Variants in PHKB observed in about 807,000 individuals in gnomAD.
The protein encoded by PHKB is phosphorylase b kinase regulatory subunit beta.
In PHKB, 122 loss-of-function variants were observed where a neutral mutation model predicts 152.1. The observed-to-expected ratio is 0.80, with a 90% CI of 0.69 to 0.93. The LOEUF (loss-of-function observed/expected upper bound fraction) is 0.93. Among genes scored for constraint, PHKB ranks in the 40% least tolerant of loss-of-function variants. PHKB has a pLI of 0.00. For synonymous variants in PHKB, 436 were observed against 464.9 expected, an observed-to-expected ratio of 0.94 and a Z score of 0.80; for missense variants, 1,304 against 1,328.4, an observed-to-expected ratio of 0.98 and a Z score of 0.29.
In PHKB at chr16:47,578,509, G is replaced by A. The variant is rs367653639; in HGVS notation, c.711-1786G>A. On this transcript the variant is annotated intron_variant, in intron 7 of 30. Transcript: ENST00000323584. ...GGTGAGGGCACATCACCTCATTACT[G>A]CCAGGTAGGAATATAAGGCCATTAT... 5.9e-5 allele frequency among the ~76,000 whole-genome samples: 9 copies of A among 152,270 alleles called. No individual in the cohort carries two copies. In the East Asian group the frequency reaches 1.5e-3, roughly 26 times the overall value.
intron 13 of PHKB, chr16:47,598,710 T>A: frequency 6.4e-7 from 1 of 1,569,172 alleles, no homozygotes; most frequent in African/African-American, 1.4e-5. Flanking sequence ...GCGCCCATGG[T>A]TTCCACTCCC....
chr16:47,667,715 T>G (rs1251384681), intron 25 of PHKB, among the ~76,000 whole-genome samples: 1 of 152,228 alleles, frequency 6.6e-6, no homozygotes, highest in South Asian at 2.1e-4. Context: ...GTAGCATTTC[T>G]GAAAAGAGAG....
intron 28 of PHKB, among the ~76,000 whole-genome samples, chr16:47,694,014 A>C (rs1319028758): frequency 6.6e-6 from 1 of 152,196 alleles, no homozygotes; most frequent in African/African-American, 2.4e-5. Flanking sequence ...GAAAGACAGA[A>C]CCAGAGCAGA....
intron 2 of PHKB, 118 bp from the exon 3 acceptor site, chr16:47,499,638 C>A: frequency 8.4e-7 from 1 of 1,194,190 alleles, no homozygotes; most frequent in Non-Finnish European, 1.2e-6. Context: ...TGTACTATAG[C>A]AAGTTTAGAA....
chr16:47,663,707 A>C lies in PHKB; in HGVS notation c.2309A>C (p.Tyr770Ser). ...GTVSDHIERV[Y>S]RRAGSQKLWL... ...GTTTCTGATCACATTGAGAGAGTCT[A>C]TAGAAGAGCTGGCAGCCAAAAACTT... The change falls in exon 24 of 31, where the codon TAT (tyrosine) becomes TCT (serine). Residue 770 changes from tyrosine (Y) to serine (S), a missense_variant. Physicochemically the swap from Tyr to Ser is moderately radical, Grantham distance 144. Transcript: ENST00000323584. The C allele has an allele frequency of 6.2e-7, 1 of 1,611,996 alleles. No homozygotes were observed. Among genetic ancestry groups the C allele is most frequent in the East Asian group, 2.2e-5 (1 of 44,842 alleles).
rs1567349168 is a variant in PHKB at position 47,669,351 on chromosome 16, T to C, written c.2564T>C (p.Ile855Thr). ...REAVIQQELV[I>T]HIGWIISNNP... ...GCGGTCATTCAGCAAGAACTGGTCA[T>C]CCATATTGGCTGGATCATCTCCAAT... The change falls in exon 26 of 31, where the codon ATC becomes ACC. Residue 855 changes from isoleucine to threonine, a missense_variant. By Grantham distance (89) the Ile-to-Thr change is moderately conservative. Coordinates refer to ENST00000323584, the MANE Select transcript of PHKB (RefSeq NM_000293.3). The C allele has an allele frequency of 6.2e-7, 1 of 1,614,194 alleles. No homozygotes were observed. Among genetic ancestry groups the C allele is most frequent in the Non-Finnish European group, 8.5e-7 (1 of 1,180,022 alleles).
At chr16:47,538,576 A>G (rs1057150890) in intron 6 of PHKB, among the ~76,000 whole-genome samples, 4 of 152,214 alleles carry the variant, frequency 2.6e-5, no homozygotes, top group Non-Finnish European at 5.9e-5. Context: ...CCTGAGGGCA[A>G]ATGTCTCTGT....
chr16:47,586,917 A>AAT (rs1971944084), intron 8 of PHKB, among the ~76,000 whole-genome samples: 1 of 152,028 alleles, frequency 6.6e-6, no homozygotes, highest in Admixed American at 6.6e-5. Flanking sequence ...TCTTACTTGA[A>AAT]ATATATATAT....
chr16:47,643,998 G>A (rs532492599), intron 16 of PHKB, among the ~76,000 whole-genome samples: 2 of 152,150 alleles, frequency 1.3e-5, no homozygotes, highest in South Asian at 4.2e-4. Flanking sequence ...TACAACATGG[G>A]GGCAGTGTTA....
chr16:47,495,989 GTTC>G (rs1446362226), intron 1 of PHKB, among the ~76,000 whole-genome samples: 1 of 151,152 alleles, frequency 6.6e-6, no homozygotes, highest in Non-Finnish European at 1.5e-5. Context: ...CTTTCTTTAC[GTTC>G]TTCTTATTGT....
At chr16:47,644,771 A>G (rs1597146316) in intron 16 of PHKB, among the ~76,000 whole-genome samples, 1 of 152,374 alleles carries the variant, frequency 6.6e-6, no homozygotes, top group East Asian at 1.9e-4. Context: ...GTCCATTTTT[A>G]GAATGATACC....
rs893267728 is a variant in PHKB at position 47,597,635 on chromosome 16, C to T, written c.1363+1104C>T. Among the ~76,000 whole-genome samples the T allele has an allele frequency of 1.8e-4, 26 of 146,036 alleles. No homozygotes were observed. In the East Asian group the frequency reaches 3.4e-3, roughly 19 times the overall value. ...GGCTTTCCTTTTAGAATTTCCAAAG[C>T]GGGGGGGAAAGACACATGAAATAGT... On this transcript the variant is annotated intron_variant, in intron 13 of 30. Transcript: ENST00000323584.
chr16:47,689,675 A>G (rs141806421), intron 27 of PHKB, among the ~76,000 whole-genome samples: 16 of 152,352 alleles, frequency 1.1e-4, no homozygotes, highest in African/African-American at 3.8e-4. Flanking sequence ...GACTTGAAGA[A>G]CTTTTTTATT....
At chr16:47,478,463 GA>G (rs763269570) in intron 1 of PHKB, among the ~76,000 whole-genome samples, 2 of 138,768 alleles carry the variant, frequency 1.4e-5, no homozygotes, top group Non-Finnish European at 1.5e-5. Flanking sequence ...ATATTGCTGT[GA>G]AATTTTTTTT....
intron 7 of PHKB, among the ~76,000 whole-genome samples, chr16:47,558,421 C>T (rs1188060464): frequency 6.6e-6 from 1 of 152,044 alleles, no homozygotes; most frequent in Non-Finnish European, 1.5e-5. Flanking sequence ...AATGTGAGGT[C>T]ATGTTATGAT....
chr16:47,636,182 G>T (rs1972916619), intron 14 of PHKB, among the ~76,000 whole-genome samples: 1 of 152,210 alleles, frequency 6.6e-6, no homozygotes, highest in Admixed American at 6.5e-5. Context: ...ATAGCCAAGA[G>T]AAAATGTCCA....
At chr16:47,599,135 T>G in intron 13 of PHKB, 1 of 472,970 alleles carries the variant, frequency 2.1e-6, no homozygotes, top group Non-Finnish European at 3.7e-6. Context: ...GTTGTTACAG[T>G]TAAGTAAAAC....
At chr16:47,647,483 A>G (rs965344005) in intron 16 of PHKB, among the ~76,000 whole-genome samples, 2 of 150,786 alleles carry the variant, frequency 1.3e-5, no homozygotes, top group South Asian at 2.1e-4. Flanking sequence ...CAGAAAATGC[A>G]TAGACTCATT....
chr16:47,693,632 G>C (rs1267728808), intron 28 of PHKB, 125 bp downstream of exon 28: 3 of 1,040,588 alleles, frequency 2.9e-6, no homozygotes, highest in Non-Finnish European at 4.3e-6. Flanking sequence ...AAGAAGGAAT[G>C]AAATACTAGA....
Sources: allele counts gnomAD v4.1 joint callset (sites outside exome capture counted in the v4.1 genomes callset), GRCh38; gene constraint gnomAD v4.1.1; transcripts MANE v1.5; gene names NCBI Gene and HGNC (gene_info 2026-07-23, HGNC 2026-07-21).